The following EYS variants were observed in gnomAD, a reference collection of about 807,000 sequenced individuals.
EYS encodes the protein EGF-like photoreceptor maintenance factor.
EYS carries 250 observed loss-of-function variants against 282.1 expected under a neutral mutation model. That is an observed-to-expected ratio of 0.89 (90% CI 0.80 to 0.98). The LOEUF (loss-of-function observed/expected upper bound fraction) is 0.98. Among genes scored for constraint, EYS ranks in the 50% least tolerant of loss-of-function variants. EYS has a pLI of 0.00. For missense variants in EYS, 4,016 were observed against 3,709.0 expected (o/e 1.08, Z -2.15); for synonymous variants, 1,355 against 1,282.9 (o/e 1.06, Z -1.20).
chr6:64,020,581 C>T (rs183923384), intron 33 of EYS, among the ~76,000 whole-genome samples: 1 of 152,100 alleles, frequency 6.6e-6, no homozygotes, highest in Non-Finnish European at 1.5e-5. Context: ...TAAAAATTAT[C>T]CAACAATTTC....
At chr6:63,949,390 T>C (rs568435156) in intron 35 of EYS, among the ~76,000 whole-genome samples, 1 of 152,320 alleles carries the variant, frequency 6.6e-6, no homozygotes, top group African/African-American at 2.4e-5. Flanking sequence ...CTTTTGTACA[T>C]GCAGTTCCTC....
At chr6:63,931,730 A>T (rs1311416591) in intron 35 of EYS, among the ~76,000 whole-genome samples, 1 of 152,216 alleles carries the variant, frequency 6.6e-6, no homozygotes. Context: ...CATCAGGGTA[A>T]TTAGCATACT....
At position 64,241,447 on chromosome 6, in the gene EYS, C is replaced by A. The variant is rs9344913; in HGVS notation, c.6192-10623G>T. ...ATTCGACTATTCAGGGATTTGACTTCTTCCTAGTTTAGTCTTGGGAGGGTG... is the reference window on the plus strand; with the variant it reads ...ATTCGACTATTCAGGGATTTGACTTATTCCTAGTTTAGTCTTGGGAGGGTG... On this transcript the variant is annotated intron_variant, in intron 30 of 42. Transcript: ENST00000503581. Among the ~76,000 whole-genome samples, 122 of 152,184 alleles carry A rather than the reference C, an allele frequency of 8.0e-4. 2 individuals carry two copies. In the East Asian group the frequency reaches 0.022, roughly 27 times the overall value.
chr6:63,734,755 G>A (rs1768867639), intron 41 of EYS, among the ~76,000 whole-genome samples: 2 of 152,036 alleles, frequency 1.3e-5, no homozygotes, highest in South Asian at 2.1e-4. Flanking sequence ...GAGAAGATGT[G>A]GAGCTCAGGT....
intron 31 of EYS, among the ~76,000 whole-genome samples, chr6:64,170,156 G>T (rs1160015207): frequency 6.6e-6 from 1 of 151,992 alleles, no homozygotes; most frequent in Non-Finnish European, 1.5e-5. Context: ...TTGCTTTTCC[G>T]CATTGTCCCA....
intron 19 of EYS, among the ~76,000 whole-genome samples, chr6:64,857,657 T>G (rs1400259049): frequency 6.6e-6 from 1 of 152,148 alleles, no homozygotes; most frequent in Non-Finnish European, 1.5e-5. Context: ...GGCATTTCTA[T>G]TTTTAGTTTT....
At chr6:64,265,636 C>T (rs1347362204) in intron 30 of EYS, among the ~76,000 whole-genome samples, 1 of 152,056 alleles carries the variant, frequency 6.6e-6, no homozygotes, top group Admixed American at 6.6e-5. Flanking sequence ...ATCTCAGAAA[C>T]TCAAAGTAGA....
intron 22 of EYS, among the ~76,000 whole-genome samples, chr6:64,808,631 T>A (rs1264421565): frequency 5.3e-5 from 8 of 152,046 alleles, no homozygotes; most frequent in Admixed American, 5.2e-4. Flanking sequence ...TTGGTAATTT[T>A]TTTTTTCTTT....
At chr6:63,828,560 T>C (rs1771537103) in intron 36 of EYS, among the ~76,000 whole-genome samples, 1 of 151,896 alleles carries the variant, frequency 6.6e-6, no homozygotes, top group Non-Finnish European at 1.5e-5. Context: ...ATGGAGAAAA[T>C]CTTCACAATC....
intron 36 of EYS, among the ~76,000 whole-genome samples, chr6:63,860,735 C>T (rs1310945247): frequency 1.3e-5 from 2 of 152,112 alleles, no homozygotes. Flanking sequence ...ATGGAGGTCC[C>T]AGACTAAGAC....
intron 12 of EYS, among the ~76,000 whole-genome samples, chr6:65,101,135 G>C (rs553724837): frequency 6.6e-6 from 1 of 151,140 alleles, no homozygotes; most frequent in African/African-American, 2.4e-5. Flanking sequence ...AATGATTCTG[G>C]GGAAGTGGCA....
chr6:63,857,603 A>T, intron 36 of EYS: 1 of 383,458 alleles, frequency 2.6e-6, no homozygotes, highest in South Asian at 2.1e-5. Flanking sequence ...CCACCGTGTG[A>T]TGGGGTCCAC....
intron 41 of EYS, among the ~76,000 whole-genome samples, chr6:63,751,507 C>A (rs1769339876): frequency 1.3e-5 from 2 of 152,100 alleles, no homozygotes; most frequent in African/African-American, 4.8e-5. Flanking sequence ...AAAGCTTTAT[C>A]ACAATAAGAA....
chr6:64,395,682 T>G (rs1773341091), intron 28 of EYS, among the ~76,000 whole-genome samples: 1 of 150,976 alleles, frequency 6.6e-6, no homozygotes, highest in Non-Finnish European at 1.5e-5. Flanking sequence ...TACCTAATGC[T>G]AGATGAGGAG....
At chr6:64,160,770 C>A (rs1262436954) in intron 31 of EYS, among the ~76,000 whole-genome samples, 2 of 152,148 alleles carry the variant, frequency 1.3e-5, no homozygotes, top group African/African-American at 4.8e-5. Flanking sequence ...GGTGTGTGCA[C>A]CTGCCAAATA....
At chr6:64,598,778 G>A (rs2149836870) in intron 24 of EYS, among the ~76,000 whole-genome samples, 1 of 152,186 alleles carries the variant, frequency 6.6e-6, no homozygotes, top group South Asian at 2.1e-4. Context: ...TTGTATTTTA[G>A]GAAAGAAATT....
In EYS at chr6:65,560,279, ATAT is replaced by A. The variant is rs552429499; in HGVS notation, c.-332-64289_-332-64287del. ...TTATATATAATATATAACATATAAC[ATAT>A]TATTAATATAACATATAATAATATA... is the stretch of plus-strand genomic sequence containing the variant. On this transcript the variant is annotated intron_variant, in intron 2 of 42. Transcript: ENST00000503581. 4.0e-3 allele frequency among the ~76,000 whole-genome samples: 578 copies of A among 145,522 alleles called. 8 individuals are homozygous for A. The highest frequency in any genetic ancestry group is 0.014 in the African/African-American group (550 of 40,072).
intron 28 of EYS, among the ~76,000 whole-genome samples, chr6:64,434,459 A>G (rs1432037350): frequency 6.6e-6 from 1 of 152,050 alleles, no homozygotes; most frequent in Non-Finnish European, 1.5e-5. Flanking sequence ...GTGTTAATTA[A>G]TATTGTTGTT....
chr6:65,655,416 T>C (rs1767786106), intron 1 of EYS, among the ~76,000 whole-genome samples: 2 of 151,774 alleles, frequency 1.3e-5, no homozygotes, highest in East Asian at 3.9e-4. Flanking sequence ...AAGTTGTTGT[T>C]TATAGTATAT....
Sources: allele counts gnomAD v4.1 joint callset (sites outside exome capture counted in the v4.1 genomes callset), GRCh38; gene constraint gnomAD v4.1.1; transcripts MANE v1.5; gene names NCBI Gene and HGNC (gene_info 2026-07-23, HGNC 2026-07-21).